Variants in IRF2 observed in about 807,000 individuals in gnomAD.
IRF2 encodes the protein interferon regulatory factor 2.
In IRF2, 15 loss-of-function variants were observed where a neutral mutation model predicts 40.6. That is an observed-to-expected ratio of 0.37 (90% confidence interval 0.25 to 0.57). IRF2 has a LOEUF of 0.57. Among genes scored for constraint, IRF2 ranks in the 20% least tolerant of loss-of-function variants. The probability of loss-of-function intolerance (pLI) is 0.77; values close to 1 mark genes in which losing one functional copy is unlikely to be tolerated. For synonymous variants in IRF2, 151 were observed against 165.5 expected, an observed-to-expected ratio of 0.91 and a Z score of 0.67; for missense variants, 317 against 455.7, an observed-to-expected ratio of 0.70 and a Z score of 2.77.
intron 1 of IRF2, among the ~76,000 whole-genome samples, chr4:184,466,140 G>C (rs374453211): frequency 2.0e-5 from 3 of 146,714 alleles, no homozygotes; most frequent in African/African-American, 7.6e-5. Flanking sequence ...AACCTCCGCC[G>C]CCTGGGTTCA....
intron 1 of IRF2, among the ~76,000 whole-genome samples, chr4:184,453,252 A>G (rs1057351249): frequency 1.3e-5 from 2 of 152,352 alleles, no homozygotes; most frequent in Non-Finnish European, 2.9e-5. Flanking sequence ...ATTAAGACCT[A>G]AAAGGGTAGA....
intron 5 of IRF2, among the ~76,000 whole-genome samples, chr4:184,412,147 C>T (rs984046063): frequency 3.3e-5 from 5 of 152,074 alleles, no homozygotes; most frequent in Admixed American, 2.0e-4. Flanking sequence ...GCATGAACTC[C>T]GCCAAACATT....
chr4:184,391,541 A>G (rs1315209490), intron 7 of IRF2, among the ~76,000 whole-genome samples: 1 of 152,238 alleles, frequency 6.6e-6, no homozygotes, highest in African/African-American at 2.4e-5. Flanking sequence ...TGAGGCCCTT[A>G]GTCCAACAAC....
rs1156542523 is a variant in IRF2, at chr4:184,408,567, C to T, written c.412-292G>A. On this transcript the variant is annotated intron_variant, in intron 5 of 8. Coordinates refer to ENST00000393593, the MANE Select transcript of IRF2 (RefSeq NM_002199.4). The surrounding 1 kb of genome is among the most constrained non-coding windows in gnomAD (Gnocchi z 4.9). ...TGCAGACAATAGCTTTGGGGCTACG[C>T]AGAGCTGCATCATTGTCTCTGTAAA... Among the ~76,000 whole-genome samples the T allele has an allele frequency of 6.6e-6, 1 of 152,192 alleles. No homozygotes were observed. Among genetic ancestry groups the T allele is most frequent in the Admixed American group, 6.5e-5 (1 of 15,282 alleles).
At chr4:184,407,366 T>G in intron 6 of IRF2, 1 of 596,672 alleles carries the variant, frequency 1.7e-6, no homozygotes. Context: ...TTGGGCACTA[T>G]TCCTGTGCAT....
chr4:184,443,427 C>T (rs940721555), intron 1 of IRF2, among the ~76,000 whole-genome samples: 3 of 152,172 alleles, frequency 2.0e-5, no homozygotes, highest in African/African-American at 7.2e-5. Context: ...TCCATGTGTA[C>T]TCAGTGTTTA....
intron 6 of IRF2, among the ~76,000 whole-genome samples, chr4:184,399,736 T>A (rs570197187): frequency 2.0e-5 from 3 of 152,214 alleles, no homozygotes; most frequent in Non-Finnish European, 2.9e-5. Context: ...GGCTGAAATA[T>A]CAGCACAATG....
intron 1 of IRF2, among the ~76,000 whole-genome samples, chr4:184,470,840 C>A (rs893496704): frequency 2.6e-5 from 4 of 152,128 alleles, no homozygotes; most frequent in African/African-American, 9.7e-5. Context: ...GGAAGATTTT[C>A]TTATCTGACA....
intron 1 of IRF2, among the ~76,000 whole-genome samples, chr4:184,465,751 A>G (rs1023163687): frequency 6.6e-6 from 1 of 152,192 alleles, no homozygotes; most frequent in South Asian, 2.1e-4. Context: ...ATTGTTGGAT[A>G]TTTAGCTTGT....
intron 1 of IRF2, among the ~76,000 whole-genome samples, chr4:184,458,747 A>G (rs1057200145): frequency 1.3e-5 from 2 of 152,190 alleles, no homozygotes; most frequent in African/African-American, 4.8e-5. Context: ...ATAAAGTTCA[A>G]CTCTTCAAAA....
chr4:184,428,750 G>A (rs749021670), intron 2 of IRF2: 7 of 572,010 alleles, frequency 1.2e-5, no homozygotes, highest in South Asian at 1.1e-4. Flanking sequence ...AGTGAGTTAT[G>A]ACTGCACCAC....
At position 184,474,270 on chromosome 4, in the gene IRF2, T is replaced by C. The variant is rs1433519606; in HGVS notation, c.-7+109A>G. 1 of 152,218 alleles carries C rather than the reference T, an allele frequency of 6.6e-6. No individual in the cohort carries two copies. The highest frequency in any genetic ancestry group is 1.5e-5 in the Non-Finnish European group (1 of 68,120). 9.4% of individuals were successfully genotyped at this position (152,218 alleles called of 1,614,324 possible). A position where few individuals can be genotyped will look rare whatever the true frequency, so the allele number is the denominator to read the frequency against. On this transcript the variant is annotated intron_variant, in intron 1 of 8. Transcript: ENST00000393593. The surrounding 1 kb of genome is among the most constrained non-coding windows in gnomAD (Gnocchi z 5.6). The stretch of plus-strand genomic sequence containing the variant: ...CCCGGCATTTTCCGTCTGCAAAACA[T>C]CGTGTCAAGGCATCAGGACACGCAT...
chr4:184,428,925 G>T, intron 2 of IRF2, 53 bp downstream of exon 2: 1 of 1,367,016 alleles, frequency 7.3e-7, no homozygotes, highest in Non-Finnish European at 1.0e-6. Context: ...GTCCGCATGG[G>T]CGTGTTTCAG....
At chr4:184,418,484 C>G (rs373871809) in intron 4 of IRF2, 48 bp downstream of exon 4, 18 of 1,546,968 alleles carry the variant, frequency 1.2e-5, no homozygotes, top group Non-Finnish European at 1.6e-5. Flanking sequence ...CACGAAGGCA[C>G]GATGACACAA....
intron 1 of IRF2, among the ~76,000 whole-genome samples, chr4:184,463,281 T>C (rs981538986): frequency 6.6e-6 from 1 of 152,208 alleles, no homozygotes; most frequent in Non-Finnish European, 1.5e-5. Flanking sequence ...TTCAGGACTG[T>C]ACTACAACTT....
At chr4:184,390,676 T>A in intron 8 of IRF2, 27 bp downstream of exon 8, 1 of 1,613,624 alleles carries the variant, frequency 6.2e-7, no homozygotes, top group East Asian at 2.2e-5. Flanking sequence ...CTTGGCAGCA[T>A]CGTGGGCAGG....
Position 184,419,500 on chromosome 4 carries a change from T to C in IRF2, c.156A>G (p.Ala52=), listed in dbSNP as rs372075445. Reference sequence around the variant, plus strand: ...GGATTGCCCAGTTTCTAAAGAGTGGTGCATCTTTTTCCACATCCCACCCAT... The same window carrying C: ...GGATTGCCCAGTTTCTAAAGAGTGGCGCATCTTTTTCCACATCCCACCCAT... ...ARHGWDVEKD[A]PLFRNWAIHT... The change falls in exon 3 of 9, where the codon GCA becomes GCG. Residue 52 remains alanine, a synonymous_variant. Coordinates refer to ENST00000393593, the MANE Select transcript of IRF2 (RefSeq NM_002199.4). The C allele has an allele frequency of 7.5e-6, 12 of 1,608,462 alleles. No individual in the cohort carries two copies. The highest frequency in any genetic ancestry group is 1.0e-5 in the Non-Finnish European group (12 of 1,178,460).
At chr4:184,438,475 G>A (rs569720014) in intron 1 of IRF2, among the ~76,000 whole-genome samples, 9 of 152,218 alleles carry the variant, frequency 5.9e-5, no homozygotes, top group Non-Finnish European at 1.0e-4. Context: ...TCCATTTAAT[G>A]TCACATTATA....
intron 1 of IRF2, among the ~76,000 whole-genome samples, chr4:184,443,566 A>G (rs1212862201): frequency 6.6e-6 from 1 of 152,156 alleles, no homozygotes; most frequent in East Asian, 1.9e-4. Context: ...ATGGCTGCAT[A>G]GTATTCCATA....
Sources: gnomAD v4.1 joint callset for allele counts (sites outside exome capture counted in the v4.1 genomes callset) on GRCh38, gnomAD v4.1.1 for gene constraint, Gnocchi (gnomAD v3.1) non-coding constraint, MANE v1.5 for transcripts, NCBI Gene and HGNC (gene_info 2026-07-23, HGNC 2026-07-21) for gene names.